Variants in ANGPT1 observed in about 807,000 individuals in gnomAD.
ANGPT1 encodes angiopoietin-1.
In ANGPT1, 17 loss-of-function variants were observed where a neutral mutation model predicts 62.2. The observed-to-expected ratio is 0.27, with a 90% CI of 0.19 to 0.41. The LOEUF (loss-of-function observed/expected upper bound fraction) is 0.41. Ranked by LOEUF, ANGPT1 falls within the 10% of genes least tolerant of loss-of-function variation. The pLI, the probability that ANGPT1 is intolerant of heterozygous loss-of-function variation, is 1.00. For synonymous variants in ANGPT1, 199 were observed against 198.9 expected (o/e 1.00, Z 0.00); for missense variants, 478 against 594.9 (o/e 0.80, Z 2.04).
At position 107,477,123 on chromosome 8, in the gene ANGPT1, TTTTA is replaced by T. The variant is rs140294502; in HGVS notation, c.297+20135_297+20138del. ...AAAGTTTGACAGTAAGTTTCTATCA[TTTTA>T]TTTGTCACCTTACCTGTAAAATTCC... On this transcript the variant is annotated intron_variant, in intron 1 of 8. Coordinates refer to ENST00000517746, the MANE Select transcript of ANGPT1 (RefSeq NM_001146.5). Among the ~76,000 whole-genome samples the T allele has an allele frequency of 4.9e-3, 744 of 152,278 alleles. 8 individuals are homozygous for T. Among genetic ancestry groups the T allele is most frequent in the African/African-American group, 0.017 (708 of 41,578 alleles).
chr8:107,323,026 CA>C (rs983127185), intron 3 of ANGPT1, among the ~76,000 whole-genome samples: 23 of 152,230 alleles, frequency 1.5e-4, no homozygotes, highest in African/African-American at 5.3e-4. Context: ...TAAATGGTAA[CA>C]AAAGGAAGAC....
intron 4 of ANGPT1, among the ~76,000 whole-genome samples, chr8:107,312,280 T>G (rs1219238862): frequency 1.3e-5 from 2 of 152,208 alleles, no homozygotes; most frequent in African/African-American, 4.8e-5. Flanking sequence ...TTCAGGTGTT[T>G]CGTGTGTGTT....
At chr8:107,406,863 A>C (rs7845286) in intron 1 of ANGPT1, among the ~76,000 whole-genome samples, 19,927 of 145,698 alleles carry the variant, frequency 0.14, 1,534 homozygotes, top group African/African-American at 0.22. Flanking sequence ...TTTACAAAGA[A>C]GTCCTTCTAC....
At chr8:107,299,422 A>ATATATATATATAC (rs1281291162) in intron 5 of ANGPT1, among the ~76,000 whole-genome samples, 23 of 116,130 alleles carry the variant, frequency 2.0e-4, no homozygotes, top group African/African-American at 6.5e-4. Flanking sequence ...TATATATATA[A>ATATATATATATAC]ACATACATAT....
intron 3 of ANGPT1, among the ~76,000 whole-genome samples, chr8:107,330,011 G>A (rs191000248): frequency 6.4e-4 from 98 of 152,236 alleles, no homozygotes; most frequent in African/African-American, 2.2e-3. Context: ...CTATCTGGTA[G>A]AGCCAGAGAC....
intron 6 of ANGPT1, among the ~76,000 whole-genome samples, chr8:107,286,810 A>C (rs1419211825): frequency 6.6e-6 from 1 of 152,160 alleles, no homozygotes; most frequent in Non-Finnish European, 1.5e-5. Flanking sequence ...CACACTTTGT[A>C]AAAGTTTCAC....
chr8:107,253,667 G>A (rs1813295347), intron 8 of ANGPT1, among the ~76,000 whole-genome samples: 1 of 152,192 alleles, frequency 6.6e-6, no homozygotes, highest in African/African-American at 2.4e-5. Flanking sequence ...GGTAAAATGT[G>A]TGTTTTTGTT....
rs996840529 is a variant in ANGPT1 at position 107,441,767 on chromosome 8, T to C, written c.297+55495A>G. On this transcript the variant is annotated intron_variant, in intron 1 of 8. Coordinates refer to ENST00000517746, the MANE Select transcript of ANGPT1 (RefSeq NM_001146.5). The stretch of plus-strand genomic sequence containing the variant: ...GCTCTTATCTAACCCACACCCCTAA[T>C]AGAAGTCAGGTCTTTGCAGATTAAA... 7.2e-5 allele frequency among the ~76,000 whole-genome samples: 11 copies of C among 152,026 alleles called. No individual in the cohort carries two copies. In the East Asian group the frequency reaches 1.2e-3, roughly 16 times the overall value.
At chr8:107,293,222 TGATGATGATGATGATGC>T (rs1814323457) in intron 6 of ANGPT1, among the ~76,000 whole-genome samples, 1 of 135,552 alleles carries the variant, frequency 7.4e-6, no homozygotes, top group Non-Finnish European at 1.6e-5. Context: ...ATGATGATGA[TGATGATGATGATGATGC>T]CTGCTGTTAT....
At chr8:107,488,372 A>G (rs188927938) in intron 1 of ANGPT1, among the ~76,000 whole-genome samples, 4 of 152,326 alleles carry the variant, frequency 2.6e-5, no homozygotes, top group African/African-American at 9.6e-5. Flanking sequence ...TCCTTTGGAC[A>G]TATGGGATGC....
At chr8:107,335,388 C>G (rs921495662) in intron 3 of ANGPT1, among the ~76,000 whole-genome samples, 1 of 152,074 alleles carries the variant, frequency 6.6e-6, no homozygotes, top group Non-Finnish European at 1.5e-5. Flanking sequence ...CTAGATACCC[C>G]GAAGAAAAAT....
At chr8:107,319,226 G>C (rs1399763231) in intron 4 of ANGPT1, among the ~76,000 whole-genome samples, 3 of 152,118 alleles carry the variant, frequency 2.0e-5, no homozygotes, top group Admixed American at 2.0e-4. Context: ...CTTTATACAT[G>C]ATGAGACAGC....
intron 1 of ANGPT1, among the ~76,000 whole-genome samples, chr8:107,376,399 G>A (rs1357445984): frequency 6.6e-6 from 1 of 152,150 alleles, no homozygotes; most frequent in Non-Finnish European, 1.5e-5. Context: ...TAGAGGGGAG[G>A]GGAAATTGTT....
chr8:107,294,291 C>A (rs541908559), intron 5 of ANGPT1: 17 of 333,304 alleles, frequency 5.1e-5, no homozygotes, highest in African/African-American at 3.4e-4. Context: ...AAAATTAAGT[C>A]TTTGTCTCAG....
At chr8:107,469,167 C>A (rs893924478) in intron 1 of ANGPT1, among the ~76,000 whole-genome samples, 8 of 151,998 alleles carry the variant, frequency 5.3e-5, no homozygotes, top group African/African-American at 1.9e-4. Context: ...TTCCAAGGAC[C>A]AGTCTCTAGT....
intron 1 of ANGPT1, among the ~76,000 whole-genome samples, chr8:107,382,462 A>C (rs1055462180): frequency 7.2e-5 from 11 of 152,086 alleles, no homozygotes; most frequent in African/African-American, 1.4e-4. Context: ...CCCAGTTACT[A>C]TGTATGTGCT....
At chr8:107,253,771 A>C (rs1292872104) in intron 8 of ANGPT1, among the ~76,000 whole-genome samples, 2 of 152,214 alleles carry the variant, frequency 1.3e-5, no homozygotes, top group African/African-American at 4.8e-5. Flanking sequence ...AGCACAGGCT[A>C]AAGGATACGC....
intron 1 of ANGPT1, among the ~76,000 whole-genome samples, chr8:107,387,612 C>T (rs73311663): frequency 6.8e-6 from 1 of 146,874 alleles, no homozygotes; most frequent in African/African-American, 2.4e-5. Flanking sequence ...TTTATTTTTG[C>T]TCAAGATTGT....
intron 1 of ANGPT1, chr8:107,495,015 T>C (rs1813057256): frequency 6.6e-6 from 1 of 152,208 alleles, no homozygotes; most frequent in Non-Finnish European, 1.5e-5. Flanking sequence ...GTACTGAGCA[T>C]ACCAAATGGT....
Sources: allele counts gnomAD v4.1 joint callset (sites outside exome capture counted in the v4.1 genomes callset), GRCh38; gene constraint gnomAD v4.1.1; transcripts MANE v1.5; gene names NCBI Gene and HGNC (gene_info 2026-07-23, HGNC 2026-07-21).